SHANK2: variants seen among roughly 807,000 people sequenced by gnomAD.
SHANK2 encodes the protein SH3 and multiple ankyrin repeat domains 2.
SHANK2 carries 43 observed loss-of-function variants against 133.7 expected under a neutral mutation model. The ratio of observed to expected loss-of-function variants is 0.32; its 90% CI spans 0.25 to 0.41. SHANK2 has a LOEUF of 0.41. Ranked by LOEUF, SHANK2 falls within the 10% of genes least tolerant of loss-of-function variation. The pLI is 1.00. For missense variants in SHANK2, 1,994 were observed against 2,235.8 expected, an observed-to-expected ratio of 0.89 and a Z score of 2.18; for synonymous variants, 1,017 against 952.8, an observed-to-expected ratio of 1.07 and a Z score of -1.24.
chr11:70,782,664 C>T (rs1947529751), intron 14 of SHANK2, among the ~76,000 whole-genome samples: 1 of 152,188 alleles, frequency 6.6e-6, no homozygotes, highest in African/African-American at 2.4e-5. Flanking sequence ...CAAGGACTGA[C>T]CACAAATCAA....
chr11:70,688,412 C>A (rs967701818), intron 15 of SHANK2, among the ~76,000 whole-genome samples: 2 of 152,168 alleles, frequency 1.3e-5, no homozygotes, highest in African/African-American at 4.8e-5. Flanking sequence ...CACCTAATTT[C>A]GTGCACCTAA....
intron 17 of SHANK2, among the ~76,000 whole-genome samples, chr11:70,653,471 C>G (rs1298950142): frequency 6.7e-6 from 1 of 148,616 alleles, no homozygotes; most frequent in Non-Finnish European, 1.5e-5. Context: ...AAGACAGAGT[C>G]TTGCTCTGTT....
At chr11:71,210,209 GGTATAT>G (rs1565516533) in intron 2 of SHANK2, among the ~76,000 whole-genome samples, 3 of 35,672 alleles carry the variant, frequency 8.4e-5, no homozygotes, top group African/African-American at 1.2e-4. Flanking sequence ...GAAATCCACA[GGTATAT>G]ATATATATAT....
chr11:70,797,927 C>T (rs1383333036), intron 14 of SHANK2, among the ~76,000 whole-genome samples: 5 of 151,962 alleles, frequency 3.3e-5, no homozygotes, highest in African/African-American at 1.2e-4. Context: ...TTCAATCTCT[C>T]GGCAATCAAT....
At chr11:70,932,939 A>G (rs781919754) in intron 10 of SHANK2, among the ~76,000 whole-genome samples, 21 of 152,234 alleles carry the variant, frequency 1.4e-4, no homozygotes, top group African/African-American at 4.8e-4. Context: ...TGCAGCTCCT[A>G]TGGAAAACAG....
intron 1 of SHANK2, among the ~76,000 whole-genome samples, chr11:71,228,754 A>G (rs949669428): frequency 1.3e-5 from 2 of 152,208 alleles, no homozygotes; most frequent in African/African-American, 4.8e-5. Context: ...GTAAGACTCC[A>G]TCTCAAAAAT....
chr11:71,111,959 C>T (rs112410648), intron 5 of SHANK2, among the ~76,000 whole-genome samples: 1,620 of 152,216 alleles, frequency 0.011, 31 homozygotes, highest in African/African-American at 0.037. Context: ...GCATCTTGTG[C>T]CATAAAGTGG....
At chr11:70,914,717 TAAAAC>T (rs1164452135) in intron 10 of SHANK2, among the ~76,000 whole-genome samples, 1 of 145,476 alleles carries the variant, frequency 6.9e-6, no homozygotes, top group African/African-American at 2.6e-5. Context: ...TAAAATAAAA[TAAAAC>T]AAAACAAAAC....
intron 17 of SHANK2, among the ~76,000 whole-genome samples, chr11:70,647,983 A>G (rs1328586003): frequency 3.9e-5 from 6 of 152,252 alleles, no homozygotes; most frequent in Non-Finnish European, 8.8e-5. Context: ...CATTATTCAC[A>G]ACCATAAGTT....
chr11:70,643,679 A>AAATATTCCTC (rs1416869725), intron 17 of SHANK2, among the ~76,000 whole-genome samples: 1 of 152,010 alleles, frequency 6.6e-6, no homozygotes, highest in Admixed American at 6.6e-5. Context: ...GTTGGTATGC[A>AAATATTCCTC]AATATTCCTC....
chr11:70,835,972 A>G (rs1388085121), intron 11 of SHANK2, among the ~76,000 whole-genome samples: 2 of 152,114 alleles, frequency 1.3e-5, no homozygotes, highest in African/African-American at 4.8e-5. Context: ...GCAGGGCAGC[A>G]GCTCTCCCTG....
rs982948370 is a variant in SHANK2, at chr11:71,235,333, C to T, written c.-112-10537G>A. Among the ~76,000 whole-genome samples the T allele has an allele frequency of 4.6e-5, 7 of 152,292 alleles. No homozygotes were observed. In the East Asian group the frequency reaches 1.4e-3, roughly 29 times the overall value. ...CACAGGACGGGCACGGTGGCTCACA[C>T]CTGTAATCCCAGCACTTTGGGAGGC... On this transcript the variant is annotated intron_variant, in intron 1 of 25. Transcript: ENST00000601538.
At chr11:70,910,194 G>A (rs1950170092) in intron 10 of SHANK2, among the ~76,000 whole-genome samples, 1 of 152,194 alleles carries the variant, frequency 6.6e-6, no homozygotes, top group Admixed American at 6.5e-5. Flanking sequence ...CAGAGGTACT[G>A]AGGATTAGGG....
intron 17 of SHANK2, among the ~76,000 whole-genome samples, chr11:70,509,821 G>A (rs544242578): frequency 6.6e-6 from 1 of 152,360 alleles, no homozygotes; most frequent in African/African-American, 2.4e-5. Flanking sequence ...GTCCTGTGAA[G>A]AGAAGATGGC....
At chr11:70,954,926 G>A (rs1488196732) in intron 10 of SHANK2, among the ~76,000 whole-genome samples, 1 of 152,236 alleles carries the variant, frequency 6.6e-6, no homozygotes, top group African/African-American at 2.4e-5. Flanking sequence ...ATCCACAGGA[G>A]GCCCTGCTTC....
At chr11:71,239,851 T>G (rs1954866694) in intron 1 of SHANK2, among the ~76,000 whole-genome samples, 1 of 152,076 alleles carries the variant, frequency 6.6e-6, no homozygotes, top group Admixed American at 6.5e-5. Context: ...GGCATTTCCT[T>G]TCGTTCAGAA....
chr11:70,599,056 C>T (rs12363289), intron 17 of SHANK2, among the ~76,000 whole-genome samples: 37,298 of 145,560 alleles, frequency 0.26, 5,000 homozygotes, highest in Admixed American at 0.38. Context: ...TCCTAGCTAG[C>T]GGAGAAAAAA....
intron 7 of SHANK2, among the ~76,000 whole-genome samples, chr11:71,092,859 G>A (rs1425314273): frequency 2.0e-5 from 3 of 152,106 alleles, no homozygotes; most frequent in African/African-American, 7.2e-5. Context: ...TGGCCAACAT[G>A]GCAAAACCCT....
intron 9 of SHANK2, among the ~76,000 whole-genome samples, chr11:71,066,874 G>A (rs946612290): frequency 6.6e-5 from 10 of 152,218 alleles, no homozygotes; most frequent in South Asian, 2.1e-4. Flanking sequence ...GGGTAAGTAC[G>A]AACACACCCC....
Sources: gnomAD v4.1 joint callset for allele counts (sites outside exome capture counted in the v4.1 genomes callset) on GRCh38, gnomAD v4.1.1 for gene constraint, MANE v1.5 for transcripts, NCBI Gene and HGNC (gene_info 2026-07-23, HGNC 2026-07-21) for gene names.